Variants in MLLT1 observed in about 807,000 individuals in gnomAD.
The protein encoded by MLLT1 is MLLT1 super elongation complex subunit, also known as protein ENL.
In MLLT1, 11 loss-of-function variants were observed where a neutral mutation model predicts 55.1. The ratio of observed to expected loss-of-function variants is 0.20; its 90% confidence interval spans 0.13 to 0.33. The LOEUF is 0.33. Among genes scored for constraint, MLLT1 ranks in the 10% least tolerant of loss-of-function variants. The pLI is 1.00. For synonymous variants in MLLT1, 323 were observed against 320.1 expected (o/e 1.01, Z -0.10); for missense variants, 536 against 760.6 (o/e 0.70, Z 3.47).
chr19:6,246,031 T>G, intron 3 of MLLT1, among the ~76,000 whole-genome samples: 1 of 150,930 alleles, frequency 6.6e-6, no homozygotes, highest in East Asian at 1.9e-4. Context: ...TGGGCTGATA[T>G]CGCACCTTTG....
intron 10 of MLLT1, 49 bp downstream of exon 10, chr19:6,213,677 C>G (rs1233346659): frequency 9.1e-6 from 9 of 990,016 alleles, no homozygotes; most frequent in Non-Finnish European, 1.4e-5. Flanking sequence ...GCAACTCCCA[C>G]CACCCACCCC....
At position 6,226,067 on chromosome 19, in the gene MLLT1, C is replaced by T. The variant is rs1041794503; in HGVS notation, c.546+910G>A. On this transcript the variant is annotated intron_variant, in intron 5 of 11. Coordinates refer to ENST00000252674, the MANE Select transcript of MLLT1 (RefSeq NM_005934.4). This position sits in a 1 kb window ranked among gnomAD's most constrained non-coding sequence, Gnocchi z 6.3. The stretch of plus-strand genomic sequence containing the variant: ...GCCAGAAAGACCTGCCTGGGTGCTG[C>T]GGTTCTTCTCCCGCATGGCTGACGG... 6.6e-6 allele frequency among the ~76,000 whole-genome samples: 1 copy of T among 152,196 alleles called. No individual in the cohort carries two copies. The highest frequency in any genetic ancestry group is 1.5e-5 in the Non-Finnish European group (1 of 68,036).
In MLLT1 at chr19:6,218,136, G is replaced by C. The variant is rs568822225; in HGVS notation, c.1111-95C>G. On this transcript the variant is annotated intron_variant, in intron 6 of 11. Transcript: ENST00000252674. ...GGGGCCCCCTGGCAGCAGCTACGCTGAGTGGGTCTCCCCCAGACACCCCTA... is the reference window on the plus strand; with the variant it reads ...GGGGCCCCCTGGCAGCAGCTACGCTCAGTGGGTCTCCCCCAGACACCCCTA... 6.7e-6 allele frequency: 10 copies of C among 1,491,090 alleles called. No individual in the cohort carries two copies. The South Asian group carries it at 1.3e-4, about 20-fold the overall frequency. 92.4% of individuals were successfully genotyped at this position (1,491,090 alleles called of 1,614,324 possible). A position where few individuals can be genotyped will look rare whatever the true frequency, so the allele number is the denominator to read the frequency against.
rs1287528315 is a variant in MLLT1, at chr19:6,219,998, G to A, written c.1111-1957C>T. On this transcript the variant is annotated intron_variant, in intron 6 of 11. Transcript: ENST00000252674. The surrounding 1 kb of genome is among the most constrained non-coding windows in gnomAD (Gnocchi z 4.5). Reference sequence around the variant, plus strand: ...CACCGGAGCACGCCCGGGGCTCAGAGGGAGGGCGGAGCAGACTGGGTCCAC... The same window carrying A: ...CACCGGAGCACGCCCGGGGCTCAGAAGGAGGGCGGAGCAGACTGGGTCCAC... 6.6e-6 allele frequency among the ~76,000 whole-genome samples: 1 copy of A among 152,260 alleles called. No homozygotes were observed. The highest frequency in any genetic ancestry group is 2.4e-5 in the African/African-American group (1 of 41,476).
Position 6,256,016 on chromosome 19 carries a change from G to C in MLLT1, c.276+6212C>G, listed in dbSNP as rs1016941623. Among the ~76,000 whole-genome samples the C allele has an allele frequency of 1.3e-5, 2 of 151,912 alleles. No homozygotes were observed. The highest frequency in any genetic ancestry group is 2.4e-5 in the African/African-American group (1 of 41,336). On this transcript the variant is annotated intron_variant, in intron 3 of 11. Coordinates refer to ENST00000252674, the MANE Select transcript of MLLT1 (RefSeq NM_005934.4). This position sits in a 1 kb window ranked among gnomAD's most constrained non-coding sequence, Gnocchi z 4.1. ...GGTAGATCACCTGAGGTCAGTTCGAGACCAGCCTGGCCAATGTGGTGAAAC... is the reference window on the plus strand; with the variant it reads ...GGTAGATCACCTGAGGTCAGTTCGACACCAGCCTGGCCAATGTGGTGAAAC...
At position 6,239,497 on chromosome 19, in the gene MLLT1, G is replaced by A. The variant is rs1052329368; in HGVS notation, c.277-8784C>T. ...GCCTGTGCTGACGCCGGAGGGCCAC[G>A]GGCAGGGAGTTCAGAGGTGTGAGTC... On this transcript the variant is annotated intron_variant, in intron 3 of 11. Transcript: ENST00000252674. Among the ~76,000 whole-genome samples, 6 of 152,248 alleles carry A rather than the reference G, an allele frequency of 3.9e-5. No homozygotes were observed. In the South Asian group the frequency reaches 6.2e-4, roughly 16 times the overall value.
In MLLT1 at chr19:6,213,015, G is replaced by A. The variant is rs569544639; in HGVS notation, c.*27C>T. The stretch of plus-strand genomic sequence containing the variant: ...GGCTGCAGCCTCCCAGGACCCCGGC[G>A]GTGGGGGCCCGGCACGCGGCCCAGG... On this transcript the variant is annotated 3_prime_UTR_variant, in exon 12 of 12. Transcript: ENST00000252674. 2.1e-5 allele frequency: 34 copies of A among 1,610,686 alleles called. No homozygotes were observed. In the South Asian group the frequency reaches 3.0e-4, roughly 14 times the overall value.
At chr19:6,255,302 G>A (rs924308197) in intron 3 of MLLT1, among the ~76,000 whole-genome samples, 2 of 152,180 alleles carry the variant, frequency 1.3e-5, no homozygotes, top group African/African-American at 4.8e-5. Flanking sequence ...AGACCAGCCT[G>A]GCCAACATGG....
At chr19:6,213,219 G>A (rs1264620336) in intron 11 of MLLT1, 49 bp from the exon 12 acceptor site, 5 of 1,612,712 alleles carry the variant, frequency 3.1e-6, no homozygotes, top group Non-Finnish European at 4.2e-6. Flanking sequence ...CAAGGGTGGG[G>A]TTGCCCTGTT....
chr19:6,246,836 C>G (rs2091172820), intron 3 of MLLT1, among the ~76,000 whole-genome samples: 1 of 152,182 alleles, frequency 6.6e-6, no homozygotes, highest in Admixed American at 6.5e-5. Context: ...AACTGTATTA[C>G]AAATGCATGA....
chr19:6,269,792 G>A (rs2091380322), intron 2 of MLLT1, among the ~76,000 whole-genome samples: 1 of 152,200 alleles, frequency 6.6e-6, no homozygotes, highest in Admixed American at 6.5e-5. Context: ...GCTTCCTACA[G>A]AAAGTCCCTC....
chr19:6,230,050 T>C lies in MLLT1; in HGVS notation c.420+520A>G, dbSNP rs2090993776. 1.3e-5 allele frequency among the ~76,000 whole-genome samples: 2 copies of C among 151,994 alleles called. No individual in the cohort carries two copies. Among genetic ancestry groups the C allele is most frequent in the Non-Finnish European group, 1.5e-5 (1 of 67,922 alleles). ...CACCACCAGCCCTGCGCCCACCCTGTTGCCAAGAGCCCTCGTGGGGAACTC... is the reference window on the plus strand; with the variant it reads ...CACCACCAGCCCTGCGCCCACCCTGCTGCCAAGAGCCCTCGTGGGGAACTC... On this transcript the variant is annotated intron_variant, in intron 4 of 11. Transcript: ENST00000252674. The surrounding 1 kb of genome is among the most constrained non-coding windows in gnomAD (Gnocchi z 9.0).
intron 11 of MLLT1, 71 bp downstream of exon 11, chr19:6,213,266 G>A: frequency 6.2e-7 from 1 of 1,607,650 alleles, no homozygotes; most frequent in Non-Finnish European, 8.5e-7. Context: ...GCAGCACCAG[G>A]GGCCCCCGCA....
Position 6,222,334 on chromosome 19 carries a change from C to A in MLLT1, c.897G>T (p.Lys299Asn). ...TADSPKPSAK[K>N]QKKSSSKGSR... ...ACCCCTTCGAGCTGCTCTTCTTCTGCTTCTTGGCGCTGGGCTTTGGCGAGT... is the reference window on the plus strand; with the variant it reads ...ACCCCTTCGAGCTGCTCTTCTTCTGATTCTTGGCGCTGGGCTTTGGCGAGT... Residue 299 changes from lysine (K) to asparagine (N), a missense_variant, in exon 6 of 12, where the codon AAG becomes AAT. Lys to Asn is a moderately conservative substitution (Grantham distance 94, BLOSUM62 0). This residue lies in a region of MLLT1 where 449 missense variants were observed against 489.0 expected (regional missense o/e 0.92). Coordinates refer to ENST00000252674, the MANE Select transcript of MLLT1 (RefSeq NM_005934.4). The surrounding 1 kb of genome is among the most constrained non-coding windows in gnomAD (Gnocchi z 4.1). The A allele has an allele frequency of 1.9e-6, 3 of 1,551,650 alleles. No individual in the cohort carries two copies. Among genetic ancestry groups the A allele is most frequent in the Non-Finnish European group, 2.6e-6 (3 of 1,149,840 alleles).
At chr19:6,232,811 AACC>A (rs1423402498) in intron 3 of MLLT1, among the ~76,000 whole-genome samples, 5 of 152,178 alleles carry the variant, frequency 3.3e-5, no homozygotes, top group African/African-American at 7.2e-5. Context: ...AATGTACTAA[AACC>A]ACCACATCTG....
chr19:6,274,814 G>A (rs755220814), intron 1 of MLLT1, among the ~76,000 whole-genome samples: 1 of 152,342 alleles, frequency 6.6e-6, no homozygotes, highest in Middle Eastern at 3.4e-3. Context: ...GGAGGGATGG[G>A]CACGAGCGCT....
intron 3 of MLLT1, among the ~76,000 whole-genome samples, chr19:6,237,520 G>A (rs1418054462): frequency 6.6e-6 from 1 of 151,844 alleles, no homozygotes; most frequent in African/African-American, 2.4e-5. Context: ...CACTTTGGGA[G>A]GCCGAGGCAG....
chr19:6,269,638 G>A (rs967918456), intron 2 of MLLT1, among the ~76,000 whole-genome samples: 6 of 152,130 alleles, frequency 3.9e-5, no homozygotes, highest in South Asian at 2.1e-4. Flanking sequence ...CCTGGGTCCC[G>A]GGTCCCGGGA....
At chr19:6,272,150 G>A (rs1239397615) in intron 1 of MLLT1, among the ~76,000 whole-genome samples, 3 of 143,440 alleles carry the variant, frequency 2.1e-5, no homozygotes, top group African/African-American at 5.2e-5. Context: ...CGAGCCCCGC[G>A]CACGTCTTCC....
Sources: gnomAD v4.1 joint callset for allele counts (sites outside exome capture counted in the v4.1 genomes callset) on GRCh38, gnomAD v4.1.1 for gene constraint, gnomAD v4.1.1 regional missense constraint, Gnocchi (gnomAD v3.1) non-coding constraint, MANE v1.5 for transcripts, NCBI Gene and HGNC (gene_info 2026-07-23, HGNC 2026-07-21) for gene names.